The following ZNF804B variants were observed in gnomAD, a reference collection of about 807,000 sequenced individuals.
ZNF804B encodes the protein zinc finger protein 804B.
In ZNF804B, 80 loss-of-function variants were observed where a neutral mutation model predicts 101.4. That is an observed-to-expected ratio of 0.79 (90% CI 0.66 to 0.95). The LOEUF (loss-of-function observed/expected upper bound fraction) is 0.95. Among genes scored for constraint, ZNF804B ranks in the 40% least tolerant of loss-of-function variants. The pLI is 0.00. For synonymous variants in ZNF804B, 622 were observed against 558.8 expected (o/e 1.11, Z -1.59); for missense variants, 1,673 against 1,561.9 (o/e 1.07, Z -1.20).
intron 1 of ZNF804B, among the ~76,000 whole-genome samples, chr7:88,878,891 C>A (rs2115902638): frequency 6.6e-6 from 1 of 152,160 alleles, no homozygotes; most frequent in East Asian, 1.9e-4. Context: ...ACTTAAATTC[C>A]TGTTCCCATG....
intron 1 of ZNF804B, among the ~76,000 whole-genome samples, chr7:89,096,152 TTA>T (rs1491482564): frequency 4.1e-5 from 2 of 48,926 alleles, no homozygotes; most frequent in Non-Finnish European, 7.1e-5. Flanking sequence ...CAGACTCCAT[TTA>T]AAAAAAAAAA....
chr7:89,306,989 C>T (rs941291006), intron 2 of ZNF804B, among the ~76,000 whole-genome samples: 11 of 151,738 alleles, frequency 7.2e-5, no homozygotes. Flanking sequence ...GCCAAATTAC[C>T]CTCTAAAAGG....
chr7:89,087,264 T>C (rs1434710392), intron 1 of ZNF804B, among the ~76,000 whole-genome samples: 1 of 151,876 alleles, frequency 6.6e-6, no homozygotes, highest in Non-Finnish European at 1.5e-5. Flanking sequence ...ATTCTTGATT[T>C]GCCCTTGTTT....
At chr7:88,910,187 GT>G (rs918907673) in intron 1 of ZNF804B, among the ~76,000 whole-genome samples, 7 of 151,818 alleles carry the variant, frequency 4.6e-5, no homozygotes, top group Non-Finnish European at 7.4e-5. Flanking sequence ...TGAACATCAG[GT>G]TTATCTCTCA....
At chr7:89,134,848 G>A (rs1790605954) in intron 1 of ZNF804B, among the ~76,000 whole-genome samples, 1 of 151,678 alleles carries the variant, frequency 6.6e-6, no homozygotes, top group African/African-American at 2.4e-5. Context: ...CTTTCAAAGA[G>A]AAAATGTTTT....
chr7:89,128,975 C>T (rs1178847022), intron 1 of ZNF804B, among the ~76,000 whole-genome samples: 1 of 151,908 alleles, frequency 6.6e-6, no homozygotes, highest in East Asian at 1.9e-4. Context: ...TCTTAGCCCT[C>T]CTTGCAGCAG....
chr7:89,186,475 GA>G (rs1462107257), intron 1 of ZNF804B, among the ~76,000 whole-genome samples: 2 of 151,796 alleles, frequency 1.3e-5, no homozygotes, highest in Non-Finnish European at 2.9e-5. Context: ...CATATTAGCA[GA>G]AAAAAAGGTG....
chr7:89,068,162 T>A (rs1435727851), intron 1 of ZNF804B, among the ~76,000 whole-genome samples: 1 of 149,850 alleles, frequency 6.7e-6, no homozygotes, highest in African/African-American at 2.5e-5. Flanking sequence ...GTTAATTTGG[T>A]CTTTATAATT....
At chr7:88,916,198 T>G (rs1792630471) in intron 1 of ZNF804B, among the ~76,000 whole-genome samples, 1 of 152,218 alleles carries the variant, frequency 6.6e-6, no homozygotes. Context: ...TCCAAATTAA[T>G]TAATAGAACT....
intron 2 of ZNF804B, among the ~76,000 whole-genome samples, chr7:89,303,281 A>G (rs1790510556): frequency 6.6e-6 from 1 of 151,954 alleles, no homozygotes; most frequent in African/African-American, 2.4e-5. Flanking sequence ...TGGATATTTC[A>G]AAGCTTTCAT....
chr7:89,011,580 C>A (rs970230294), intron 1 of ZNF804B, among the ~76,000 whole-genome samples: 5 of 152,026 alleles, frequency 3.3e-5, no homozygotes, highest in Non-Finnish European at 5.9e-5. Flanking sequence ...CAAATGGGAG[C>A]AATTGGCTAA....
chr7:88,865,322 A>G (rs1229654925), intron 1 of ZNF804B, among the ~76,000 whole-genome samples: 3 of 151,918 alleles, frequency 2.0e-5, no homozygotes, highest in African/African-American at 4.8e-5. Flanking sequence ...ACTTGGGCCT[A>G]GGAGTTCTAG....
intron 1 of ZNF804B, among the ~76,000 whole-genome samples, chr7:89,140,733 G>C (rs1168388559): frequency 6.6e-6 from 1 of 152,020 alleles, no homozygotes; most frequent in Non-Finnish European, 1.5e-5. Flanking sequence ...GTTGTGGCTG[G>C]TTGATCTTCA....
chr7:89,016,972 G>T (rs1444352893), intron 1 of ZNF804B, among the ~76,000 whole-genome samples: 1 of 152,182 alleles, frequency 6.6e-6, no homozygotes, highest in Non-Finnish European at 1.5e-5. Context: ...CCATGAGCAT[G>T]GAATGTTCTT....
intron 1 of ZNF804B, among the ~76,000 whole-genome samples, chr7:89,156,069 T>TCTTG (rs759597649): frequency 1.1e-5 from 1 of 90,284 alleles, no homozygotes; most frequent in South Asian, 3.9e-4. Flanking sequence ...TCTTTCTTTC[T>TCTTG]TTCTCTCTTT....
intron 1 of ZNF804B, among the ~76,000 whole-genome samples, chr7:88,855,485 T>A (rs1208989907): frequency 6.6e-6 from 1 of 152,068 alleles, no homozygotes; most frequent in Non-Finnish European, 1.5e-5. Flanking sequence ...TTTGAGTTCA[T>A]CGTAGATTCT....
intron 1 of ZNF804B, among the ~76,000 whole-genome samples, chr7:89,027,981 A>G (rs549183137): frequency 3.5e-4 from 54 of 152,298 alleles, no homozygotes; most frequent in African/African-American, 1.2e-3. Flanking sequence ...GAATCCTTCA[A>G]CGTTTTACCA....
At chr7:88,838,958 T>C (rs1330645214) in intron 1 of ZNF804B, among the ~76,000 whole-genome samples, 3 of 152,080 alleles carry the variant, frequency 2.0e-5, no homozygotes, top group South Asian at 2.1e-4. Context: ...CACCCTTTGA[T>C]GTATAATTTC....
chr7:89,165,690 G>T (rs1672603962), intron 1 of ZNF804B, among the ~76,000 whole-genome samples: 1 of 152,090 alleles, frequency 6.6e-6, no homozygotes, highest in African/African-American at 2.4e-5. Context: ...TCAAACGGAA[G>T]ATTTGGTTTA....
Sources: allele counts gnomAD v4.1 joint callset (sites outside exome capture counted in the v4.1 genomes callset), GRCh38; gene constraint gnomAD v4.1.1; transcripts MANE v1.5; gene names NCBI Gene and HGNC (gene_info 2026-07-23, HGNC 2026-07-21).